The following DPY19L3 variants were observed in gnomAD, a reference collection of about 807,000 sequenced individuals.
DPY19L3 encodes the protein protein C-mannosyl-transferase DPY19L3.
Under a neutral mutation model 92.3 loss-of-function variants are expected in DPY19L3, and 51 were observed. That is an observed-to-expected ratio of 0.55 (90% CI 0.44 to 0.70). The LOEUF (loss-of-function observed/expected upper bound fraction) is 0.70. DPY19L3 is among the 30% of genes least tolerant of loss of function. The pLI, the probability that DPY19L3 is intolerant of heterozygous loss-of-function variation, is 0.00. For missense variants in DPY19L3, 706 were observed against 855.9 expected, an observed-to-expected ratio of 0.82 and a Z score of 2.18; for synonymous variants, 309 against 315.2, an observed-to-expected ratio of 0.98 and a Z score of 0.21.
At chr19:32,447,821 T>TC (rs1969562236) in intron 8 of DPY19L3, among the ~76,000 whole-genome samples, 1 of 101,552 alleles carries the variant, frequency 9.8e-6, no homozygotes, top group African/African-American at 2.9e-5. Flanking sequence ...ATAGATTAGA[T>TC]AGATAGATAG....
chr19:32,433,503 A>T (rs1279973685), intron 4 of DPY19L3, among the ~76,000 whole-genome samples: 1 of 152,114 alleles, frequency 6.6e-6, no homozygotes, highest in Non-Finnish European at 1.5e-5. Flanking sequence ...CTGTAGTCTC[A>T]ATCTCCCAGC....
chr19:32,479,594 G>A, intron 17 of DPY19L3: 2 of 435,680 alleles, frequency 4.6e-6, no homozygotes, highest in South Asian at 3.2e-5. Flanking sequence ...AGACCCTCAA[G>A]CCCAAATCAG....
chr19:32,445,075 C>CA (rs771623749), intron 8 of DPY19L3, among the ~76,000 whole-genome samples: 3,728 of 54,012 alleles, frequency 0.069, 132 homozygotes, highest in African/African-American at 0.16. Context: ...GACCCAGTCT[C>CA]AAAAAAAAAA....
chr19:32,411,146 C>T (rs2145394432), intron 2 of DPY19L3, 93 bp from the exon 3 acceptor site: 2 of 1,360,368 alleles, frequency 1.5e-6, no homozygotes, highest in Non-Finnish European at 2.0e-6. Flanking sequence ...TGACAGGCAG[C>T]TAGACTTAGC....
chr19:32,433,563 G>C (rs979515512), intron 4 of DPY19L3, among the ~76,000 whole-genome samples: 2 of 151,876 alleles, frequency 1.3e-5, no homozygotes, highest in Non-Finnish European at 2.9e-5. Context: ...GACTATGGGT[G>C]TGCACTACCA....
At position 32,407,499 on chromosome 19, in the gene DPY19L3, G is replaced by A. The variant is rs534350779; in HGVS notation, c.-37-718G>A. On this transcript the variant is annotated intron_variant, in intron 1 of 18. Transcript: ENST00000392250. Reference sequence around the variant, plus strand: ...CTCCCACGTGGCCACTTCTGTGGGAGGTACTGAAGACCTACTACCGCCTAT... The same window carrying A: ...CTCCCACGTGGCCACTTCTGTGGGAAGTACTGAAGACCTACTACCGCCTAT... Among the ~76,000 whole-genome samples, 8 of 152,296 alleles carry A rather than the reference G, an allele frequency of 5.3e-5. No homozygotes were observed. In the South Asian group the frequency reaches 1.5e-3, roughly 28 times the overall value.
chr19:32,472,586 G>C (rs181630506), intron 16 of DPY19L3, among the ~76,000 whole-genome samples: 1 of 149,168 alleles, frequency 6.7e-6, no homozygotes, highest in African/African-American at 2.5e-5. Context: ...TCAGGCGGTA[G>C]TTTTAAAGGT....
At chr19:32,478,759 T>G (rs1313860132) in intron 17 of DPY19L3, among the ~76,000 whole-genome samples, 2 of 152,276 alleles carry the variant, frequency 1.3e-5, no homozygotes, top group Non-Finnish European at 2.9e-5. Flanking sequence ...CTGCTTAATA[T>G]TTTACATGGA....
chr19:32,469,233 A>ACGC (rs1470328118), intron 16 of DPY19L3: 3 of 157,878 alleles, frequency 1.9e-5, no homozygotes, highest in African/African-American at 7.2e-5. Context: ...TCAATGGCTC[A>ACGC]CGCCTGTAAT....
intron 14 of DPY19L3, among the ~76,000 whole-genome samples, chr19:32,464,258 C>T (rs530323366): frequency 2.0e-5 from 3 of 152,076 alleles, no homozygotes; most frequent in Admixed American, 6.5e-5. Flanking sequence ...TACCAATAAT[C>T]CCCTTGTCCG....
At chr19:32,446,833 T>C (rs566060040) in intron 8 of DPY19L3, among the ~76,000 whole-genome samples, 27 of 152,292 alleles carry the variant, frequency 1.8e-4, no homozygotes, top group Admixed American at 6.5e-4. Flanking sequence ...ATCAGAGATA[T>C]AGAACCCAAC....
chr19:32,423,422 G>GTTT (rs1599601418), intron 3 of DPY19L3, among the ~76,000 whole-genome samples: 13 of 48,472 alleles, frequency 2.7e-4, no homozygotes, highest in African/African-American at 4.6e-4. Flanking sequence ...TTTTTTTTTG[G>GTTT]TATTTTTAGT....
rs80128736 is a variant in DPY19L3, at chr19:32,414,790, A to T, written c.237+3418A>T. Among the ~76,000 whole-genome samples the T allele has an allele frequency of 6.6e-3, 1,007 of 152,350 alleles. 17 individuals carry two copies. The highest frequency in any genetic ancestry group is 0.023 in the African/African-American group (962 of 41,574). On this transcript the variant is annotated intron_variant, in intron 3 of 18. Coordinates refer to ENST00000392250, the MANE Select transcript of DPY19L3 (RefSeq NM_001172774.2). ...AACTTAATTATAAACTATTAAGTGT[A>T]GCTCTTTAATTTAAAACTTGTAACC...
At position 32,485,731 on chromosome 19, in the gene DPY19L3, A is replaced by G. The variant is rs1431065955; in HGVS notation, c.*3491A>G. ...TTTTGGCCTAAGAGAATGTTTGTTC[A>G]TGGAAAAAAGCTTTTGAGATGAGAG... On this transcript the variant is annotated 3_prime_UTR_variant, in exon 19 of 19. Coordinates refer to ENST00000392250, the MANE Select transcript of DPY19L3 (RefSeq NM_001172774.2). The G allele has an allele frequency of 3.3e-5, 5 of 152,322 alleles. No individual in the cohort carries two copies. Among genetic ancestry groups the G allele is most frequent in the Non-Finnish European group, 5.9e-5 (4 of 68,010 alleles). 9.4% of individuals were successfully genotyped at this position (152,322 alleles called of 1,614,324 possible). A position where few individuals can be genotyped will look rare whatever the true frequency, so the allele number is the denominator to read the frequency against.
chr19:32,457,979 A>AC, intron 10 of DPY19L3, 121 bp from the exon 11 acceptor site: 1 of 722,944 alleles, frequency 1.4e-6, no homozygotes, highest in Non-Finnish European at 2.3e-6. Flanking sequence ...ACATTTACTG[A>AC]TTTTGTACAC....
intron 10 of DPY19L3, among the ~76,000 whole-genome samples, chr19:32,455,742 G>A (rs1202232809): frequency 6.6e-6 from 1 of 152,204 alleles, no homozygotes; most frequent in Non-Finnish European, 1.5e-5. Flanking sequence ...TTTATGTCCA[G>A]TAGGTGCTTT....
chr19:32,414,158 C>A (rs1235140823), intron 3 of DPY19L3, among the ~76,000 whole-genome samples: 2 of 152,116 alleles, frequency 1.3e-5, no homozygotes, highest in Non-Finnish European at 2.9e-5. Flanking sequence ...CAGTGGCTCA[C>A]ACCTTTAATG....
intron 15 of DPY19L3, among the ~76,000 whole-genome samples, chr19:32,465,064 T>C (rs1461802990): frequency 6.6e-6 from 1 of 152,232 alleles, no homozygotes; most frequent in African/African-American, 2.4e-5. Context: ...ATTCTGAAAA[T>C]AAGGTGTTTT....
At chr19:32,418,946 A>G (rs565261118) in intron 3 of DPY19L3, among the ~76,000 whole-genome samples, 2 of 152,156 alleles carry the variant, frequency 1.3e-5, no homozygotes, top group African/African-American at 4.8e-5. Context: ...AGGAAAAGAT[A>G]CTGGTTTCAT....
Sources: gnomAD v4.1 joint callset for allele counts (sites outside exome capture counted in the v4.1 genomes callset) on GRCh38, gnomAD v4.1.1 for gene constraint, MANE v1.5 for transcripts, NCBI Gene and HGNC (gene_info 2026-07-23, HGNC 2026-07-21) for gene names.